Variants in MYCL observed in about 807,000 individuals in gnomAD.
The protein encoded by MYCL is MYCL proto-oncogene, bHLH transcription factor, also known as protein L-Myc.
Under a neutral mutation model 31.0 loss-of-function variants are expected in MYCL, and 11 were observed. That is an observed-to-expected ratio of 0.35 (90% CI 0.22 to 0.59). The LOEUF (loss-of-function observed/expected upper bound fraction) is 0.59. Among genes scored for constraint, MYCL ranks in the 20% least tolerant of loss-of-function variants. The pLI is 0.79. For missense variants in MYCL, 427 were observed against 486.1 expected (o/e 0.88, Z 1.14); for synonymous variants, 208 against 202.4 (o/e 1.03, Z -0.23).
intron 1 of MYCL, among the ~76,000 whole-genome samples, chr1:39,898,457 A>C (rs1644504331): frequency 6.6e-6 from 1 of 152,234 alleles, no homozygotes; most frequent in Admixed American, 6.5e-5. Flanking sequence ...ACTTTTCACA[A>C]GTTATAAATC....
intron 1 of MYCL, 150 bp downstream of exon 1, chr1:39,900,789 A>T: frequency 1.4e-6 from 2 of 1,438,542 alleles, no homozygotes; most frequent in Non-Finnish European, 1.8e-6. Context: ...CCAGACAGAC[A>T]CGGTTGGGGA....
At chr1:39,898,187 T>G in intron 1 of MYCL, 1 of 648,536 alleles carries the variant, frequency 1.5e-6, no homozygotes, top group Non-Finnish European at 2.5e-6. Flanking sequence ...AAGGAAAATA[T>G]TCTCCAATTT....
chr1:39,900,666 T>TCC (rs1266711859), intron 1 of MYCL: 125 of 1,368,558 alleles, frequency 9.1e-5, no homozygotes, highest in Non-Finnish European at 1.2e-4. Flanking sequence ...TATTGTCCTC[T>TCC]CTAAGCGCCA....
chr1:39,898,095 A>T (rs202187802), intron 1 of MYCL, 125 bp from the exon 2 acceptor site: 1 of 1,287,648 alleles, frequency 7.8e-7, no homozygotes, highest in Non-Finnish European at 9.6e-7. Context: ...ATTTAGATAT[A>T]TACAAATCGA....
rs1644480971 is a variant in MYCL at position 39,896,118 on chromosome 1, T to C, written c.*1254A>G. ...TTGGAGCTGCCGAGTCCAGCTGGGG[T>C]AAAATCCATCATGGTTGGCTAAGCA... is the stretch of plus-strand genomic sequence containing the variant. On this transcript the variant is annotated 3_prime_UTR_variant, in exon 2 of 2. Coordinates refer to ENST00000372816, the MANE Select transcript of MYCL (RefSeq NM_001033081.3). The C allele has an allele frequency of 4.8e-6, 1 of 207,996 alleles. No individual in the cohort carries two copies. Among genetic ancestry groups the C allele is most frequent in the Non-Finnish European group, 9.8e-6 (1 of 102,080 alleles). 12.9% of individuals were successfully genotyped at this position (207,996 alleles called of 1,614,324 possible).
At chr1:39,899,092 C>A in intron 1 of MYCL, 3 of 985,340 alleles carry the variant, frequency 3.0e-6, no homozygotes, top group Non-Finnish European at 3.6e-6. Flanking sequence ...GCCCTCCTGG[C>A]CCCAAAGCCC....
chr1:39,898,638 C>A, intron 1 of MYCL: 1 of 985,172 alleles, frequency 1.0e-6, no homozygotes, highest in Non-Finnish European at 1.2e-6. Flanking sequence ...ATTTATAGGT[C>A]GCCTGCCCCA....
intron 1 of MYCL, 123 bp downstream of exon 1, chr1:39,900,816 A>G: frequency 2.7e-6 from 4 of 1,476,528 alleles, no homozygotes; most frequent in Middle Eastern, 1.9e-4. Context: ...GGGCAGCTTC[A>G]GCCAAAGAGA....
chr1:39,899,725 G>A, intron 1 of MYCL: 1 of 985,188 alleles, frequency 1.0e-6, no homozygotes, highest in South Asian at 4.7e-5. Flanking sequence ...CCTTAACACA[G>A]TGGACCAGGA....
rs1221216657 is a variant in MYCL, at chr1:39,900,964, G to A, written c.471C>T (p.Ser157=). 1.4e-6 allele frequency: 2 copies of A among 1,431,804 alleles called. No homozygotes were observed. The highest frequency in any genetic ancestry group is 1.5e-5 in the African/African-American group (1 of 67,328). The allele number at this position is 1,431,804 out of a possible 1,614,324, so 88.7% of individuals were successfully genotyped here. The change falls in exon 1 of 2, where the codon TCC becomes TCT. Residue 157 remains serine (S), a synonymous_variant. Transcript: ENST00000372816. ...CCGAGTCGCTTGGGCTCTCGGACCC[G>A]GAGCAGGCCTGGGTCTTGGGTTCGC... The part of the protein sequence containing the change: ...PLGEPKTQAC[S]GSESPSDSEN...
Position 39,901,652 on chromosome 1 carries a change from G to A in MYCL, c.-218C>T, listed in dbSNP as rs1644541792. On this transcript the variant is annotated 5_prime_UTR_variant, in exon 1 of 2. Transcript: ENST00000372816. The surrounding 1 kb of genome is among the most constrained non-coding windows in gnomAD (Gnocchi z 6.9). ...ATCGCAGCGCGCGGACCCGACTGTGGGCAGCGAGTTCAAAGCAAACTTTGC... is the reference window on the plus strand; with the variant it reads ...ATCGCAGCGCGCGGACCCGACTGTGAGCAGCGAGTTCAAAGCAAACTTTGC... 7.4e-7 allele frequency: 1 copy of A among 1,350,936 alleles called. No homozygotes were observed. Among genetic ancestry groups the A allele is most frequent in the Non-Finnish European group, 9.4e-7 (1 of 1,059,272 alleles). 83.7% of individuals were successfully genotyped at this position (1,350,936 alleles called of 1,614,324 possible). A position where few individuals can be genotyped will look rare whatever the true frequency, so the allele number is the denominator to read the frequency against.
At chr1:39,900,521 T>C (rs1644525152) in intron 1 of MYCL, 11 of 1,112,484 alleles carry the variant, frequency 9.9e-6, no homozygotes, top group Non-Finnish European at 1.2e-5. Flanking sequence ...GTTTTGGCTT[T>C]GCACAAAAGG....
chr1:39,897,716 C>T lies in MYCL; in HGVS notation c.751G>A (p.Asp251Asn). The change falls in exon 2 of 2, where the codon GAT becomes AAT. Residue 251 changes from aspartate to asparagine, a missense_variant. Coordinates refer to ENST00000372816, the MANE Select transcript of MYCL (RefSeq NM_001033081.3). This position sits in a 1 kb window ranked among gnomAD's most constrained non-coding sequence, Gnocchi z 4.3. ...GGTGGGGGACTCACAATCTCTTCAT[C>T]CTCCTCATCTTCCTTTTCCCCTGCA... ...DAAGEKEDEEDEEIVSPPPVE... is the reference protein window; with the variant it reads ...DAAGEKEDEENEEIVSPPPVE... 5 of 1,614,148 alleles carry T rather than the reference C, an allele frequency of 3.1e-6. No homozygotes were observed. The highest frequency in any genetic ancestry group is 4.2e-6 in the Non-Finnish European group (5 of 1,180,032).
At chr1:39,899,581 T>C (rs1644515077) in intron 1 of MYCL, 5 of 976,690 alleles carry the variant, frequency 5.1e-6, no homozygotes, top group Non-Finnish European at 4.9e-6. Context: ...TCCAAAGCAA[T>C]GCTCTTTCCA....
Position 39,897,276 on chromosome 1 carries a change from A to C in MYCL, c.*96T>G. On this transcript the variant is annotated 3_prime_UTR_variant, in exon 2 of 2. Transcript: ENST00000372816. The surrounding 1 kb of genome is among the most constrained non-coding windows in gnomAD (Gnocchi z 4.3). The stretch of plus-strand genomic sequence containing the variant: ...TGGGATCTACTGTCCAGACTGTCCC[A>C]CCATAACCAAAATGTGCAAATTACT... The C allele has an allele frequency of 8.7e-7, 1 of 1,144,820 alleles. No individual in the cohort carries two copies. Among genetic ancestry groups the C allele is most frequent in the Non-Finnish European group, 1.2e-6 (1 of 802,672 alleles). 70.9% of individuals were successfully genotyped at this position (1,144,820 alleles called of 1,614,324 possible). A position where few individuals can be genotyped will look rare whatever the true frequency, so the allele number is the denominator to read the frequency against.
chr1:39,901,801 G>A lies in MYCL; in HGVS notation c.-367C>T. 1 of 1,278,406 alleles carries A rather than the reference G, an allele frequency of 7.8e-7. No individual in the cohort carries two copies. Among genetic ancestry groups the A allele is most frequent in the Non-Finnish European group, 1.0e-6 (1 of 1,001,696 alleles). The allele number at this position is 1,278,406 out of a possible 1,614,324, so 79.2% of individuals were successfully genotyped here. ...CGCGCCCGTGCCCTGGCCACCCGCA[G>A]CCTCACCTCGCTCCAGCCGCCCGCC... On this transcript the variant is annotated 5_prime_UTR_variant, in exon 1 of 2. Transcript: ENST00000372816. The surrounding 1 kb of genome is among the most constrained non-coding windows in gnomAD (Gnocchi z 6.9).
In MYCL at chr1:39,896,355, G is replaced by A. The variant is rs1221008290; in HGVS notation, c.*1017C>T. 3 of 199,326 alleles carry A rather than the reference G, an allele frequency of 1.5e-5. No homozygotes were observed. The highest frequency in any genetic ancestry group is 6.0e-5 in the Admixed American group (1 of 16,594). 12.3% of individuals were successfully genotyped at this position (199,326 alleles called of 1,614,324 possible). ...AGGAGGACAGATTTGCATGGTTCCAGAAGAACTTCAAACTTGCCGCTCAAG... is the reference window on the plus strand; with the variant it reads ...AGGAGGACAGATTTGCATGGTTCCAAAAGAACTTCAAACTTGCCGCTCAAG... On this transcript the variant is annotated 3_prime_UTR_variant, in exon 2 of 2. Coordinates refer to ENST00000372816, the MANE Select transcript of MYCL (RefSeq NM_001033081.3).
At chr1:39,899,649 G>T in intron 1 of MYCL, 9 of 985,376 alleles carry the variant, frequency 9.1e-6, no homozygotes, top group Non-Finnish European at 1.1e-5. Flanking sequence ...TTGATCTCAA[G>T]ATTCTCTTTC....
chr1:39,900,796 G>T (rs1183632889), intron 1 of MYCL, 143 bp downstream of exon 1: 2 of 1,454,042 alleles, frequency 1.4e-6, no homozygotes, highest in Admixed American at 5.9e-5. Flanking sequence ...GACACGGTTG[G>T]GGACTACACG....
Sources: gnomAD v4.1 joint callset for allele counts (sites outside exome capture counted in the v4.1 genomes callset) on GRCh38, gnomAD v4.1.1 for gene constraint, Gnocchi (gnomAD v3.1) non-coding constraint, MANE v1.5 for transcripts, NCBI Gene and HGNC (gene_info 2026-07-23, HGNC 2026-07-21) for gene names.